SOX6: variants seen among roughly 807,000 people sequenced by gnomAD.
SOX6 encodes the protein transcription factor SOX-6.
SOX6 carries 11 observed loss-of-function variants against 97.8 expected under a neutral mutation model. That is an observed-to-expected ratio of 0.11 (90% CI 0.07 to 0.19). SOX6 has a LOEUF of 0.19. Ranked by LOEUF, SOX6 falls within the 10% of genes least tolerant of loss-of-function variation. The pLI is 1.00. For missense variants in SOX6, 810 were observed against 1,039.5 expected (o/e 0.78, Z 3.04); for synonymous variants, 360 against 371.4 (o/e 0.97, Z 0.35).
intron 3 of SOX6, among the ~76,000 whole-genome samples, chr11:16,279,451 A>G (rs996605970): frequency 6.6e-6 from 1 of 152,034 alleles, no homozygotes; most frequent in Non-Finnish European, 1.5e-5. Context: ...TCTCACTTTC[A>G]TATTTCAATT....
chr11:16,496,396 G>A (rs1214106893), intron 4 of SOX6, among the ~76,000 whole-genome samples: 5 of 151,948 alleles, frequency 3.3e-5, no homozygotes, highest in East Asian at 3.9e-4. Context: ...CGTGAGAAAC[G>A]CAGAAGATGG....
At chr11:16,507,379 C>T (rs149909236) in intron 4 of SOX6, among the ~76,000 whole-genome samples, 1,895 of 152,114 alleles carry the variant, frequency 0.012, 21 homozygotes, top group Non-Finnish European at 0.019. Flanking sequence ...TATCAAAATA[C>T]CAATGTCATT....
In SOX6 at chr11:16,613,801, C is replaced by G. The variant is rs865979864; in HGVS notation, n.430-1541G>C. 2.0e-5 allele frequency among the ~76,000 whole-genome samples: 3 copies of G among 152,188 alleles called. No individual in the cohort carries two copies. Among genetic ancestry groups the G allele is most frequent in the South Asian group, 2.1e-4 (1 of 4,832 alleles). ...ATGCCGGCGGTCAGGCTTGGCCGAG[C>G]TTTGTTTACGTGCCTAAGTCGCCAC... On this transcript the variant is annotated intron_variant and non_coding_transcript_variant, in intron 3 of 5. Transcript: ENST00000524520. The surrounding 1 kb of genome is among the most constrained non-coding windows in gnomAD (Gnocchi z 4.6).
At chr11:16,393,272 G>C (rs942310994) in intron 1 of SOX6, among the ~76,000 whole-genome samples, 2 of 151,998 alleles carry the variant, frequency 1.3e-5, no homozygotes, top group African/African-American at 4.8e-5. Context: ...GCCCAGGAAA[G>C]AGTAAGAAAC....
chr11:16,350,359 T>C (rs1164942892), intron 1 of SOX6, among the ~76,000 whole-genome samples: 1 of 152,212 alleles, frequency 6.6e-6, no homozygotes, highest in Non-Finnish European at 1.5e-5. Flanking sequence ...CGTTTTATTT[T>C]GATTTGAGAT....
intron 2 of SOX6, among the ~76,000 whole-genome samples, chr11:16,319,683 T>C (rs1855856029): frequency 6.6e-6 from 1 of 152,162 alleles, no homozygotes; most frequent in Admixed American, 6.6e-5. Context: ...CATCCTTTTT[T>C]ATGGCGGCAT....
intron 3 of SOX6, among the ~76,000 whole-genome samples, chr11:16,307,539 A>G (rs1480289877): frequency 3.3e-5 from 5 of 152,166 alleles, no homozygotes. Flanking sequence ...TCCCCTGTCC[A>G]TAACATAAGC....
At chr11:16,399,944 T>C (rs1038034261) in intron 1 of SOX6, among the ~76,000 whole-genome samples, 2 of 151,444 alleles carry the variant, frequency 1.3e-5, no homozygotes, top group African/African-American at 2.4e-5. Context: ...AAAAATTGGT[T>C]GATGAGAGTT....
intron 3 of SOX6, among the ~76,000 whole-genome samples, chr11:16,253,246 G>T (rs1393014005): frequency 2.0e-5 from 3 of 152,096 alleles, no homozygotes; most frequent in Admixed American, 6.6e-5. Flanking sequence ...CTATTCAGGA[G>T]GCTGAGGTAG....
intron 3 of SOX6, among the ~76,000 whole-genome samples, chr11:16,625,697 T>C (rs527692233): frequency 3.3e-5 from 5 of 152,186 alleles, no homozygotes; most frequent in Middle Eastern, 3.2e-3. Context: ...ATCATGCCTA[T>C]GTAGTGAAGC....
chr11:16,225,463 C>T (rs1852657407), intron 4 of SOX6, among the ~76,000 whole-genome samples: 2 of 98,494 alleles, frequency 2.0e-5, no homozygotes, highest in African/African-American at 3.8e-5. Context: ...AAAGTAGTAA[C>T]TATGAATTGC....
intron 12 of SOX6, among the ~76,000 whole-genome samples, chr11:16,046,059 T>C (rs1855818587): frequency 1.3e-5 from 2 of 152,184 alleles, no homozygotes; most frequent in Non-Finnish European, 2.9e-5. Context: ...ACCAAATGAA[T>C]GCAATTTGCA....
intron 6 of SOX6, among the ~76,000 whole-genome samples, chr11:16,178,689 G>A (rs982294560): frequency 6.6e-6 from 1 of 151,876 alleles, no homozygotes; most frequent in Non-Finnish European, 1.5e-5. Context: ...GGTTTATTTA[G>A]TCCTTTTCAG....
At chr11:16,168,615 C>G (rs1850949147) in intron 6 of SOX6, among the ~76,000 whole-genome samples, 1 of 152,052 alleles carries the variant, frequency 6.6e-6, no homozygotes, top group Admixed American at 6.6e-5. Flanking sequence ...GGAAAAGCAC[C>G]TGGGAGGAAA....
intron 4 of SOX6, among the ~76,000 whole-genome samples, chr11:16,226,435 T>C (rs1852692483): frequency 6.6e-6 from 1 of 151,938 alleles, no homozygotes; most frequent in Admixed American, 6.6e-5. Context: ...CCCTGGCACA[T>C]TGCCCAGGGA....
chr11:16,153,012 G>A (rs1850498165), intron 6 of SOX6, among the ~76,000 whole-genome samples: 1 of 152,100 alleles, frequency 6.6e-6, no homozygotes, highest in South Asian at 2.1e-4. Context: ...GACTATAGGT[G>A]TGTGCCATCA....
At chr11:16,163,086 G>T (rs944392541) in intron 6 of SOX6, among the ~76,000 whole-genome samples, 14 of 151,642 alleles carry the variant, frequency 9.2e-5, no homozygotes, top group Non-Finnish European at 1.5e-4. Flanking sequence ...AAAATAAAAG[G>T]ATCAGATAAG....
rs112058659 is a variant in SOX6 at position 16,520,161 on chromosome 11, G to A, written n.610-43773C>T. ...ATTCTGTAGGTTGTCTGTTTAATCT[G>A]TTGATTGTTTCTTTTGCTGTATAGA... On this transcript the variant is annotated intron_variant and non_coding_transcript_variant, in intron 4 of 5. Transcript: ENST00000524520. 8.1e-3 allele frequency among the ~76,000 whole-genome samples: 1,229 copies of A among 152,242 alleles called. 12 individuals are homozygous for A. The highest frequency in any genetic ancestry group is 0.028 in the African/African-American group (1,173 of 41,544).
chr11:16,573,676 C>A (rs895526968), intron 4 of SOX6, among the ~76,000 whole-genome samples: 5 of 152,044 alleles, frequency 3.3e-5, no homozygotes, highest in Non-Finnish European at 7.4e-5. Flanking sequence ...ATAAAACAAC[C>A]AATACATTAA....
Sources: gnomAD v4.1 joint callset for allele counts (sites outside exome capture counted in the v4.1 genomes callset) on GRCh38, gnomAD v4.1.1 for gene constraint, Gnocchi (gnomAD v3.1) non-coding constraint, MANE v1.5 for transcripts, NCBI Gene and HGNC (gene_info 2026-07-23, HGNC 2026-07-21) for gene names.